FANCC: variants seen among roughly 807,000 people sequenced by gnomAD.
FANCC encodes the protein Fanconi anemia group C protein.
Under a neutral mutation model 71.3 loss-of-function variants are expected in FANCC, and 55 were observed. That is an observed-to-expected ratio of 0.77 (90% CI 0.62 to 0.97). The LOEUF is 0.97. FANCC is among the 50% of genes least tolerant of loss of function. The pLI, the probability that FANCC is intolerant of heterozygous loss-of-function variation, is 0.00. For synonymous variants in FANCC, 275 were observed against 244.9 expected (o/e 1.12, Z -1.15); for missense variants, 678 against 670.9 (o/e 1.01, Z -0.12).
chr9:95,222,357 C>T (rs577301609), intron 4 of FANCC, among the ~76,000 whole-genome samples: 1 of 151,944 alleles, frequency 6.6e-6, no homozygotes, highest in Non-Finnish European at 1.5e-5. Context: ...ATCTCAGAAA[C>T]ATTATGCCGA....
intron 8 of FANCC, among the ~76,000 whole-genome samples, chr9:95,131,379 C>A (rs1826890403): frequency 6.6e-6 from 1 of 152,234 alleles, no homozygotes; most frequent in African/African-American, 2.4e-5. Flanking sequence ...GTGGCAATGA[C>A]CCCTACGTCC....
intron 10 of FANCC, chr9:95,123,552 C>T (rs759524524): frequency 3.7e-6 from 2 of 541,624 alleles, no homozygotes; most frequent in Admixed American, 2.0e-5. Flanking sequence ...AACGGTCGTA[C>T]CAAAAAGGGC....
In FANCC at chr9:95,150,647, C is replaced by T. The variant is rs147908298; in HGVS notation, c.522-560G>A. Reference sequence around the variant, plus strand: ...ACCCCTTTAAAAATTCCGATCACAACACTTGTCTGCTCAAAGCTTTGCAAT... The same window carrying T: ...ACCCCTTTAAAAATTCCGATCACAATACTTGTCTGCTCAAAGCTTTGCAAT... On this transcript the variant is annotated intron_variant, in intron 6 of 14. Coordinates refer to ENST00000289081, the MANE Select transcript of FANCC (RefSeq NM_000136.3). Among the ~76,000 whole-genome samples, 10 of 152,340 alleles carry T rather than the reference C, an allele frequency of 6.6e-5. No individual in the cohort carries two copies. In the East Asian group the frequency reaches 1.5e-3, roughly 23 times the overall value.
At chr9:95,267,249 T>TC (rs1159542696) in intron 1 of FANCC, among the ~76,000 whole-genome samples, 1 of 152,092 alleles carries the variant, frequency 6.6e-6, no homozygotes, top group African/African-American at 2.4e-5. Flanking sequence ...GCCCTACCCC[T>TC]CCATGCCTGA....
intron 3 of FANCC, among the ~76,000 whole-genome samples, chr9:95,244,893 T>G (rs1049436224): frequency 1.3e-5 from 2 of 151,944 alleles, no homozygotes; most frequent in African/African-American, 4.8e-5. Flanking sequence ...TAGTGTTGTA[T>G]TCTAGGGAAA....
chr9:95,313,778 T>C (rs1484374931), intron 1 of FANCC, among the ~76,000 whole-genome samples: 1 of 152,232 alleles, frequency 6.6e-6, no homozygotes. Context: ...AAATGGGATT[T>C]AGAATGCAAG....
At chr9:95,177,653 TTTTAA>T (rs1353666980) in intron 4 of FANCC, among the ~76,000 whole-genome samples, 1 of 152,212 alleles carries the variant, frequency 6.6e-6, no homozygotes, top group Admixed American at 6.5e-5. Context: ...AGCTTTTCTA[TTTTAA>T]TTTTTTAATT....
chr9:95,184,787 A>C (rs540918652), intron 4 of FANCC, among the ~76,000 whole-genome samples: 22 of 152,362 alleles, frequency 1.4e-4, no homozygotes, highest in South Asian at 1.2e-3. Flanking sequence ...GTTTATATAA[A>C]GTTCAAAAGC....
chr9:95,184,717 A>C (rs1336287747), intron 4 of FANCC, among the ~76,000 whole-genome samples: 1 of 152,250 alleles, frequency 6.6e-6, no homozygotes, highest in Non-Finnish European at 1.5e-5. Flanking sequence ...CAAGGGGCCA[A>C]GAACAGCACA....
intron 1 of FANCC, among the ~76,000 whole-genome samples, chr9:95,270,353 C>T (rs1415595863): frequency 6.6e-6 from 1 of 152,154 alleles, no homozygotes; most frequent in Non-Finnish European, 1.5e-5. Context: ...ACAAAGCAAC[C>T]ACCCGGAGAA....
chr9:95,239,577 G>A (rs533425987), intron 4 of FANCC, among the ~76,000 whole-genome samples: 2 of 152,160 alleles, frequency 1.3e-5, no homozygotes, highest in Admixed American at 6.5e-5. Context: ...GACTAAATAT[G>A]TCATTTTGTT....
At chr9:95,214,573 C>A (rs1828730742) in intron 4 of FANCC, among the ~76,000 whole-genome samples, 1 of 152,168 alleles carries the variant, frequency 6.6e-6, no homozygotes, top group African/African-American at 2.4e-5. Context: ...CCAGCATTAT[C>A]CACAAACAAC....
rs1830092784 is a variant in FANCC at position 95,150,160 on chromosome 9, T to C, written c.522-73A>G. 12 of 1,546,218 alleles carry C rather than the reference T, an allele frequency of 7.8e-6. No homozygotes were observed. The South Asian group carries it at 1.3e-4, about 16-fold the overall frequency. On this transcript the variant is annotated intron_variant, in intron 6 of 14. Coordinates refer to ENST00000289081, the MANE Select transcript of FANCC (RefSeq NM_000136.3). ...AATTAAGGACATATAAAAACCTTCATGCTAAAAAGGTCAAAGACAGATCAC... is the reference window on the plus strand; with the variant it reads ...AATTAAGGACATATAAAAACCTTCACGCTAAAAAGGTCAAAGACAGATCAC...
intron 7 of FANCC, among the ~76,000 whole-genome samples, chr9:95,139,077 T>TA (rs1346706613): frequency 6.6e-6 from 1 of 152,212 alleles, no homozygotes; most frequent in East Asian, 1.9e-4. Context: ...TATGCTTGCT[T>TA]AACAGAATTT....
intron 14 of FANCC, among the ~76,000 whole-genome samples, chr9:95,104,448 CTCTGTGCTCCTGAGGGT>C (rs2071285726): frequency 6.6e-6 from 1 of 152,152 alleles, no homozygotes; most frequent in Non-Finnish European, 1.5e-5. Flanking sequence ...CACTGGGGCC[CTCTGTGCTCCTGAGGGT>C]TCCCGTGTGG....
intron 4 of FANCC, among the ~76,000 whole-genome samples, chr9:95,194,274 T>C (rs1827281846): frequency 6.6e-6 from 1 of 152,140 alleles, no homozygotes; most frequent in Admixed American, 6.5e-5. Flanking sequence ...CTCCTACTTT[T>C]CGTTTACCTA....
chr9:95,297,796 T>C (rs1834474482), intron 1 of FANCC, among the ~76,000 whole-genome samples: 1 of 152,134 alleles, frequency 6.6e-6, no homozygotes, highest in African/African-American at 2.4e-5. Context: ...ATGGACAAAA[T>C]GTCACAATAA....
At chr9:95,295,754 G>A (rs1047788565) in intron 1 of FANCC, among the ~76,000 whole-genome samples, 6 of 149,712 alleles carry the variant, frequency 4.0e-5, no homozygotes, top group African/African-American at 1.5e-4. Context: ...GCAACACAGT[G>A]AGACCCTGTA....
chr9:95,277,969 A>G (rs1205157412), intron 1 of FANCC, among the ~76,000 whole-genome samples: 5 of 152,244 alleles, frequency 3.3e-5, no homozygotes, highest in Admixed American at 1.3e-4. Context: ...TTATGTAATT[A>G]TAAATGCACA....
Sources: gnomAD v4.1 joint callset for allele counts (sites outside exome capture counted in the v4.1 genomes callset) on GRCh38, gnomAD v4.1.1 for gene constraint, MANE v1.5 for transcripts, NCBI Gene and HGNC (gene_info 2026-07-23, HGNC 2026-07-21) for gene names.